The following PLG variants were observed in gnomAD, a reference collection of about 807,000 sequenced individuals.
The protein encoded by PLG is plasmin.
In PLG, 41 loss-of-function variants were observed where a neutral mutation model predicts 104.4. The ratio of observed to expected loss-of-function variants is 0.39; its 90% CI spans 0.31 to 0.51. The LOEUF is 0.51. PLG is among the 20% of genes least tolerant of loss of function. PLG has a pLI of 0.76. For synonymous variants in PLG, 337 were observed against 357.1 expected (o/e 0.94, Z 0.63); for missense variants, 891 against 1,003.6 (o/e 0.89, Z 1.52).
In PLG at chr6:160,732,035, C is replaced by A; in HGVS notation, c.1587+142C>A. 1 of 860,166 alleles carries A rather than the reference C, an allele frequency of 1.2e-6. No homozygotes were observed. The highest frequency in any genetic ancestry group is 1.9e-6 in the Non-Finnish European group (1 of 517,702). The allele number at this position is 860,166 out of a possible 1,614,324, so 53.3% of individuals were successfully genotyped here. On this transcript the variant is annotated intron_variant, in intron 12 of 18. Coordinates refer to ENST00000308192, the MANE Select transcript of PLG (RefSeq NM_000301.5). This position sits in a 1 kb window ranked among gnomAD's most constrained non-coding sequence, Gnocchi z 4.5. ...GGGACAGAAGAAAATATTGGAAAGG[C>A]ATCAGGGGGCTAAGCTAGAATATAA...
rs1487185982 is a variant in PLG, at chr6:160,723,987, A to G, written c.1256+1420A>G. Among the ~76,000 whole-genome samples, 1 of 152,222 alleles carries G rather than the reference A, an allele frequency of 6.6e-6. No homozygotes were observed. The highest frequency in any genetic ancestry group is 2.4e-5 in the African/African-American group (1 of 41,468). On this transcript the variant is annotated intron_variant, in intron 10 of 18. Transcript: ENST00000308192. This position sits in a 1 kb window ranked among gnomAD's most constrained non-coding sequence, Gnocchi z 4.7. ...ATCAACACGATCTCCAAGTAAATTA[A>G]CTGATTGCCAGAAGAAAATTCAACC...
At chr6:160,747,445 G>T (rs373376399) in intron 17 of PLG, among the ~76,000 whole-genome samples, 5 of 152,300 alleles carry the variant, frequency 3.3e-5, no homozygotes, top group East Asian at 3.9e-4. Flanking sequence ...TGCTAGGAGG[G>T]CATTAGGAGT....
Position 160,737,912 on chromosome 6 carries a change from C to T in PLG, c.1803-626C>T, listed in dbSNP as rs540369019. On this transcript the variant is annotated intron_variant, in intron 14 of 18. Transcript: ENST00000308192. This position sits in a 1 kb window ranked among gnomAD's most constrained non-coding sequence, Gnocchi z 4.7. The stretch of plus-strand genomic sequence containing the variant: ...CCTAAACTATGTGGTGGTCTACGTC[C>T]TCACTGACTTATCAACATGCTACCA... Among the ~76,000 whole-genome samples, 5 of 152,310 alleles carry T rather than the reference C, an allele frequency of 3.3e-5. No individual in the cohort carries two copies. In the South Asian group the frequency reaches 6.2e-4, roughly 19 times the overall value.
chr6:160,737,481 G>T lies in PLG; in HGVS notation c.1802+474G>T, dbSNP rs1778105478. On this transcript the variant is annotated intron_variant, in intron 14 of 18. Transcript: ENST00000308192. The surrounding 1 kb of genome is among the most constrained non-coding windows in gnomAD (Gnocchi z 4.7). The stretch of plus-strand genomic sequence containing the variant: ...CGTGAATCATTGAATTCAATGCAGA[G>T]GCTACTCATCCATTCGCAAACAAAA... Among the ~76,000 whole-genome samples the T allele has an allele frequency of 6.6e-6, 1 of 152,132 alleles. No individual in the cohort carries two copies. Among genetic ancestry groups the T allele is most frequent in the Non-Finnish European group, 1.5e-5 (1 of 68,028 alleles).
At position 160,753,658 on chromosome 6, in the gene PLG, G is replaced by A. The variant is rs1050912; in HGVS notation, c.*597G>A. Among the ~76,000 whole-genome samples the A allele has an allele frequency of 1.7e-3, 260 of 152,238 alleles. 2 individuals are homozygous for A. Among genetic ancestry groups the A allele is most frequent in the African/African-American group, 4.8e-3 (201 of 41,542 alleles). ...AGAGCTGTATATGATGGAGTGAACC[G>A]GTCCATGGATGTGTAACACAAGACC... On this transcript the variant is annotated 3_prime_UTR_variant, in exon 19 of 19. Coordinates refer to ENST00000308192, the MANE Select transcript of PLG (RefSeq NM_000301.5). The surrounding 1 kb of genome is among the most constrained non-coding windows in gnomAD (Gnocchi z 5.4).
In PLG at chr6:160,718,362, A is replaced by G. The variant is rs763975431; in HGVS notation, c.856A>G (p.Asn286Asp). ...GGGAACAGGTGAAAACTATCGCGGG[A>G]ATGTGGCTGTTACCGTGTCCGGGCA... The part of the protein sequence containing the change: ...LKGTGENYRG[N>D]VAVTVSGHTC... The change falls in exon 8 of 19, where the codon AAT becomes GAT. Residue 286 changes from asparagine (N) to aspartate (D), a missense_variant. Coordinates refer to ENST00000308192, the MANE Select transcript of PLG (RefSeq NM_000301.5). 1.2e-6 allele frequency: 2 copies of G among 1,613,868 alleles called. No individual in the cohort carries two copies. The highest frequency in any genetic ancestry group is 2.2e-5 in the South Asian group (2 of 91,074).
rs1162853998 is a variant in PLG at position 160,725,221 on chromosome 6, CA to C, written c.1256+2657del. ...CAGAGCGAGACTCAAAACAAACAAA[CA>C]AACAAACAAACAAAAAGATAATAAT... On this transcript the variant is annotated intron_variant, in intron 10 of 18. Coordinates refer to ENST00000308192, the MANE Select transcript of PLG (RefSeq NM_000301.5). The surrounding 1 kb of genome is among the most constrained non-coding windows in gnomAD (Gnocchi z 6.3). 2.6e-5 allele frequency among the ~76,000 whole-genome samples: 4 copies of C among 152,000 alleles called. No individual in the cohort carries two copies. Among genetic ancestry groups the C allele is most frequent in the African/African-American group, 9.6e-5 (4 of 41,474 alleles).
rs572041367 is a variant in PLG at position 160,702,601 on chromosome 6, C to T, written c.49+248C>T. Among the ~76,000 whole-genome samples, 5 of 152,130 alleles carry T rather than the reference C, an allele frequency of 3.3e-5. No individual in the cohort carries two copies. The East Asian group carries it at 7.7e-4, about 24-fold the overall frequency. On this transcript the variant is annotated intron_variant, in intron 1 of 18. Coordinates refer to ENST00000308192, the MANE Select transcript of PLG (RefSeq NM_000301.5). The stretch of plus-strand genomic sequence containing the variant: ...ATTTTTCAAATCTAAATGAGTGCAC[C>T]CACATAATGGCCAGTCTAATTGAAA...
rs1777903681 is a variant in PLG at position 160,725,243 on chromosome 6, A to T, written c.1256+2676A>T. On this transcript the variant is annotated intron_variant, in intron 10 of 18. Transcript: ENST00000308192. This position sits in a 1 kb window ranked among gnomAD's most constrained non-coding sequence, Gnocchi z 6.3. Reference sequence around the variant, plus strand: ...AAACAAACAAACAAACAAAAAGATAATAATTTACTACTTGAAGCAAAATGA... The same window carrying T: ...AAACAAACAAACAAACAAAAAGATATTAATTTACTACTTGAAGCAAAATGA... 6.6e-6 allele frequency among the ~76,000 whole-genome samples: 1 copy of T among 152,102 alleles called. No individual in the cohort carries two copies. The highest frequency in any genetic ancestry group is 2.4e-5 in the African/African-American group (1 of 41,422).
chr6:160,729,327 A>G (rs956092006), intron 10 of PLG, among the ~76,000 whole-genome samples: 3 of 152,220 alleles, frequency 2.0e-5, no homozygotes, highest in African/African-American at 4.8e-5. Flanking sequence ...CTGGTTTTCC[A>G]TAAAGTTAAA....
chr6:160,703,798 G>A (rs1777468592), intron 1 of PLG, among the ~76,000 whole-genome samples: 1 of 152,202 alleles, frequency 6.6e-6, no homozygotes, highest in African/African-American at 2.4e-5. Flanking sequence ...ACACCCAAAG[G>A]CTAGATCAAA....
At chr6:160,709,256 AC>A (rs1198104090) in intron 3 of PLG, among the ~76,000 whole-genome samples, 2 of 152,058 alleles carry the variant, frequency 1.3e-5, no homozygotes, top group Non-Finnish European at 2.9e-5. Flanking sequence ...CTACTAACTT[AC>A]CTGCCAGGGT....
intron 10 of PLG, among the ~76,000 whole-genome samples, chr6:160,728,169 GA>G (rs1489234901): frequency 1.3e-5 from 2 of 151,800 alleles, no homozygotes; most frequent in African/African-American, 4.8e-5. Context: ...TGATCAACTG[GA>G]AAATAAAAAT....
chr6:160,708,167 G>C (rs1187414573), intron 3 of PLG: 1 of 223,410 alleles, frequency 4.5e-6, no homozygotes, highest in Non-Finnish European at 9.0e-6. Flanking sequence ...GGGTGACCAT[G>C]GTCCTTGGGC....
chr6:160,750,410 C>T (rs1449980798), intron 17 of PLG, among the ~76,000 whole-genome samples: 2 of 152,348 alleles, frequency 1.3e-5, no homozygotes, highest in East Asian at 1.9e-4. Context: ...TTCCCAGCAA[C>T]TCATGGTGGG....
chr6:160,707,613 A>G (rs1777553574), intron 2 of PLG, 87 bp from the exon 3 acceptor site: 1 of 1,342,286 alleles, frequency 7.4e-7, no homozygotes, highest in Non-Finnish European at 1.1e-6. Context: ...ATATTCAATG[A>G]TCTTTAGCAT....
chr6:160,705,832 G>A (rs1419502166), intron 1 of PLG: 1 of 153,204 alleles, frequency 6.5e-6, no homozygotes, highest in African/African-American at 2.4e-5. Context: ...GCCACTGATG[G>A]TGCCTTACTC....
chr6:160,722,337 T>C, intron 9 of PLG, 71 bp from the exon 10 acceptor site: 2 of 1,075,404 alleles, frequency 1.9e-6, no homozygotes, highest in Middle Eastern at 2.0e-4. Context: ...GTACTGTTTT[T>C]GTCATAAATT....
Position 160,724,429 on chromosome 6 carries a change from A to G in PLG, c.1256+1862A>G, listed in dbSNP as rs1274084526. 3.3e-5 allele frequency among the ~76,000 whole-genome samples: 5 copies of G among 152,144 alleles called. No homozygotes were observed. Among genetic ancestry groups the G allele is most frequent in the Non-Finnish European group, 7.4e-5 (5 of 68,018 alleles). ...GATACAAACTGCAGCACACACATAC[A>G]AAGACTGAAAAGATAAAGAAACAGA... On this transcript the variant is annotated intron_variant, in intron 10 of 18. Transcript: ENST00000308192. The surrounding 1 kb of genome is among the most constrained non-coding windows in gnomAD (Gnocchi z 5.0).
Sources: allele counts gnomAD v4.1 joint callset (sites outside exome capture counted in the v4.1 genomes callset), GRCh38; gene constraint gnomAD v4.1.1; non-coding constraint Gnocchi (gnomAD v3.1); transcripts MANE v1.5; gene names NCBI Gene and HGNC (gene_info 2026-07-23, HGNC 2026-07-21).